Variants in KAT5 observed in about 807,000 individuals in gnomAD.
KAT5 encodes the protein histone acetyltransferase KAT5.
In KAT5, 31 loss-of-function variants were observed where a neutral mutation model predicts 68.1. The ratio of observed to expected loss-of-function variants is 0.46; its 90% CI spans 0.34 to 0.61. KAT5 has a LOEUF of 0.61. Ranked by LOEUF, KAT5 falls within the 20% of genes least tolerant of loss-of-function variation. KAT5 has a pLI of 0.01. For missense variants in KAT5, 451 were observed against 725.5 expected (o/e 0.62, Z 4.35); for synonymous variants, 365 against 292.6 (o/e 1.25, Z -2.52).
At chr11:65,717,725 C>A (rs1857249370) in intron 10 of KAT5, 1 of 152,808 alleles carries the variant, frequency 6.5e-6, no homozygotes, top group African/African-American at 2.4e-5. Context: ...GATGGGGTCA[C>A]ATCCTCAGAA....
At chr11:65,717,025 C>G (rs776075095) in intron 10 of KAT5, 43 bp downstream of exon 10, 4 of 1,446,762 alleles carry the variant, frequency 2.8e-6, no homozygotes, top group Non-Finnish European at 3.9e-6. Context: ...GACCCACTAT[C>G]GGTGCCTCAC....
chr11:65,717,551 C>T (rs1857241300), intron 10 of KAT5: 1 of 162,022 alleles, frequency 6.2e-6, no homozygotes, highest in African/African-American at 2.4e-5. Context: ...TCTTACTCCC[C>T]ATCACCCCCC....
chr11:65,713,006 C>A lies in KAT5; in HGVS notation c.332C>A (p.Pro111His), dbSNP rs1857074639. 6.2e-7 allele frequency: 1 copy of A among 1,613,736 alleles called. No individual in the cohort carries two copies. The change falls in exon 3 of 13, where the codon CCC becomes CAC. Residue 111 changes from proline (P) to histidine (H), a missense_variant. Pro to His is a moderately conservative substitution (Grantham distance 77). Transcript: ENST00000341318. ...IQFPKKEAKT[P>H]TKNGLPGSRP... ...TTCCCCAAGAAAGAGGCCAAGACCC[C>A]CACTAAGAACGGACTTCCTGGGTCC...
Position 65,714,601 on chromosome 11 carries a change from A to G in KAT5, c.797A>G (p.Glu266Gly). Reference sequence around the variant, plus strand: ...ATCGTCACCCGGATGAAGAACATTGAGTGCATTGAGCTGGGCCGGCACCGC... The same window carrying G: ...ATCGTCACCCGGATGAAGAACATTGGGTGCATTGAGCTGGGCCGGCACCGC... ...DDIVTRMKNI[E>G]CIELGRHRLK... Residue 266 changes from glutamate (E) to glycine (G), a missense_variant, in exon 7 of 13, where the codon GAG becomes GGG. Glu to Gly is a moderately conservative substitution (Grantham distance 98). This residue lies in a region of KAT5 where 210 missense variants were observed against 423.7 expected (regional missense o/e 0.50). Transcript: ENST00000341318. 1 of 1,614,154 alleles carries G rather than the reference A, an allele frequency of 6.2e-7. No homozygotes were observed.
intron 1 of KAT5, 115 bp from the exon 2 acceptor site, chr11:65,712,649 GGA>G (rs1857061548): frequency 7.4e-7 from 1 of 1,343,940 alleles, no homozygotes; most frequent in South Asian, 1.2e-5. Context: ...AGGAGGCTTA[GGA>G]GAGACCTAAG....
At chr11:65,713,082 T>A in intron 3 of KAT5, 24 bp downstream of exon 3, 1 of 1,611,494 alleles carries the variant, frequency 6.2e-7, no homozygotes, top group Non-Finnish European at 8.5e-7. Context: ...CCACTTCACC[T>A]TTTCTCTCCT....
At chr11:65,718,277 C>T (rs985877722) in intron 10 of KAT5, 2 of 267,164 alleles carry the variant, frequency 7.5e-6, no homozygotes, top group Non-Finnish European at 1.4e-5. Context: ...AATTGGAGGC[C>T]CCTTCTTCCC....
chr11:65,713,980 G>A, intron 6 of KAT5, 132 bp downstream of exon 6: 1 of 832,468 alleles, frequency 1.2e-6, no homozygotes, highest in Non-Finnish European at 1.9e-6. Flanking sequence ...GGGATTAGGA[G>A]ACAGGCAGAA....
rs755605852 is a variant in KAT5 at position 65,718,857 on chromosome 11, C to G, written c.1425-16C>G. On this transcript the variant is annotated splice_polypyrimidine_tract_variant and intron_variant, in intron 11 of 12. Transcript: ENST00000341318. The stretch of plus-strand genomic sequence containing the variant: ...GATAAAGGTCCTCAGGGAACCTGAC[C>G]TGTGCTCTCCCACAGTGAGATTAGT... 1.2e-6 allele frequency: 2 copies of G among 1,614,062 alleles called. No homozygotes were observed. Among genetic ancestry groups the G allele is most frequent in the Admixed American group, 3.3e-5 (2 of 60,022 alleles).
chr11:65,719,284 G>A lies in KAT5; in HGVS notation c.*103G>A. On this transcript the variant is annotated 3_prime_UTR_variant, in exon 13 of 13. Coordinates refer to ENST00000341318, the MANE Select transcript of KAT5 (RefSeq NM_182710.3). Reference sequence around the variant, plus strand: ...CACAAAGCACTCTAAGGGAGATGGGGCTGAGGACAGCTCAAAAAGGAGAGG... The same window carrying A: ...CACAAAGCACTCTAAGGGAGATGGGACTGAGGACAGCTCAAAAAGGAGAGG... 1 of 1,346,836 alleles carries A rather than the reference G, an allele frequency of 7.4e-7. No individual in the cohort carries two copies. Among genetic ancestry groups the A allele is most frequent in the Non-Finnish European group, 1.0e-6 (1 of 985,890 alleles). The allele number at this position is 1,346,836 out of a possible 1,614,324, so 83.4% of individuals were successfully genotyped here. A position where few individuals can be genotyped will look rare whatever the true frequency, so the allele number is the denominator to read the frequency against.
Position 65,716,791 on chromosome 11 carries a change from T to C in KAT5, c.1154T>C (p.Val385Ala). The change falls in exon 9 of 13, where the codon GTG becomes GCG. Residue 385 changes from valine to alanine, a missense_variant. Around this residue, in one of 4 missense-constraint regions of KAT5, gnomAD observed 210 missense variants for 423.7 expected, o/e 0.50. Coordinates refer to ENST00000341318, the MANE Select transcript of KAT5 (RefSeq NM_182710.3). ...TEYDCKGFHIVGYFSKEKEST... is the reference protein window; with the variant it reads ...TEYDCKGFHIAGYFSKEKEST... ...TATGACTGTAAGGGCTTCCACATCG[T>C]GGGCTACTTCTCCAAGGTCAGTGCC... 1 of 1,614,192 alleles carries C rather than the reference T, an allele frequency of 6.2e-7. No individual in the cohort carries two copies. The highest frequency in any genetic ancestry group is 8.5e-7 in the Non-Finnish European group (1 of 1,180,026).
Position 65,716,880 on chromosome 11 carries a change from C to T in KAT5, c.1171-9C>T, listed in dbSNP as rs1565210013. 1.2e-6 allele frequency: 2 copies of T among 1,613,638 alleles called. No homozygotes were observed. Among genetic ancestry groups the T allele is most frequent in the South Asian group, 1.1e-5 (1 of 91,066 alleles). ...CCTTCCCTGACACTCACCTGTCCCC[C>T]TTCTCCAGGAGAAAGAATCAACGGA... On this transcript the variant is annotated splice_polypyrimidine_tract_variant and intron_variant, in intron 9 of 12. Coordinates refer to ENST00000341318, the MANE Select transcript of KAT5 (RefSeq NM_182710.3).
Position 65,719,219 on chromosome 11 carries a change from G to C in KAT5, c.*38G>C. On this transcript the variant is annotated 3_prime_UTR_variant, in exon 13 of 13. Transcript: ENST00000341318. Reference sequence around the variant, plus strand: ...CACTGCAGTGCCAAGACGGCAGCAGGACTGGGGCTGATAGCCCACCCCGCC... The same window carrying C: ...CACTGCAGTGCCAAGACGGCAGCAGCACTGGGGCTGATAGCCCACCCCGCC... 1 of 1,605,816 alleles carries C rather than the reference G, an allele frequency of 6.2e-7. No individual in the cohort carries two copies. The highest frequency in any genetic ancestry group is 8.5e-7 in the Non-Finnish European group (1 of 1,176,486).
rs755559349 is a variant in KAT5 at position 65,712,328 on chromosome 11, A to G, written c.61A>G (p.Arg21Gly). 4.0e-6 allele frequency: 6 copies of G among 1,503,100 alleles called. No individual in the cohort carries two copies. The East Asian group carries it at 1.3e-4, about 32-fold the overall frequency. The allele number at this position is 1,503,100 out of a possible 1,614,324, so 93.1% of individuals were successfully genotyped here. A position where few individuals can be genotyped will look rare whatever the true frequency, so the allele number is the denominator to read the frequency against. The change falls in exon 1 of 13, where the codon AGA becomes GGA. Residue 21 changes from arginine (R) to glycine (G), a missense_variant. Physicochemically the swap from Arg to Gly is moderately radical, Grantham distance 125. Around this residue, in one of 4 missense-constraint regions of KAT5, gnomAD observed 104 missense variants for 107.3 expected, o/e 0.97. Transcript: ENST00000341318. ...AGRREPGEVGRARGPPVADPG... is the reference protein window; with the variant it reads ...AGRREPGEVGGARGPPVADPG... The stretch of plus-strand genomic sequence containing the variant: ...GCGGAGGGAGCCAGGGGAGGTGGGT[A>G]GAGCCCGAGGCCCCCCAGTAGCCGA...
intron 6 of KAT5, 167 bp downstream of exon 6, chr11:65,714,015 C>A: frequency 1.5e-6 from 1 of 665,282 alleles, no homozygotes; most frequent in Non-Finnish European, 2.6e-6. Context: ...GTCATTGGGG[C>A]CGGGCACCAT....
rs772212913 is a variant in KAT5, at chr11:65,718,648, C to T, written c.1323C>T (p.Asp441=). Residue 441 remains aspartate, a synonymous_variant, in exon 11 of 13, where the codon GAC becomes GAT. Coordinates refer to ENST00000341318, the MANE Select transcript of KAT5 (RefSeq NM_182710.3). ...GGACCCCTGAGAAGCCCCTCTCAGA[C>T]CTTGGCCTCCTATCCTATCGAAGCT... ...KTGTPEKPLS[D]LGLLSYRSYW... is the part of the protein sequence containing the mutation. 6.2e-7 allele frequency: 1 copy of T among 1,614,212 alleles called. No homozygotes were observed. Among genetic ancestry groups the T allele is most frequent in the South Asian group, 1.1e-5 (1 of 91,086 alleles).
intron 6 of KAT5, 183 bp from the exon 7 acceptor site, chr11:65,714,312 G>A (rs1301742125): frequency 1.2e-5 from 8 of 686,130 alleles, no homozygotes; most frequent in Non-Finnish European, 1.7e-5. Context: ...GGGTCATTGG[G>A]TGATCTTTTC....
In KAT5 at chr11:65,714,281, T is replaced by G. The variant is rs1011846328; in HGVS notation, c.691-214T>G. ...CTGCCCTCCAGCCTGGGCGACAGAC[T>G]GAGACTCCATCTAAAAAATGGGGTC... On this transcript the variant is annotated intron_variant, in intron 6 of 12. Coordinates refer to ENST00000341318, the MANE Select transcript of KAT5 (RefSeq NM_182710.3). 92 of 604,710 alleles carry G rather than the reference T, an allele frequency of 1.5e-4. 3 individuals carry two copies. In the South Asian group the frequency reaches 1.8e-3, roughly 12 times the overall value. 37.5% of individuals were successfully genotyped at this position (604,710 alleles called of 1,614,324 possible).
At chr11:65,716,548 C>T in intron 8 of KAT5, 119 bp from the exon 9 acceptor site, 2 of 953,758 alleles carry the variant, frequency 2.1e-6, no homozygotes, top group East Asian at 2.4e-5. Context: ...CAGGGAAGAA[C>T]ACTCATCACC....
Sources: gnomAD v4.1 joint callset for allele counts on GRCh38, gnomAD v4.1.1 for gene constraint, gnomAD v4.1.1 regional missense constraint, MANE v1.5 for transcripts, NCBI Gene and HGNC (gene_info 2026-07-23, HGNC 2026-07-21) for gene names.